LATS2: variants seen among roughly 807,000 people sequenced by gnomAD.
LATS2 encodes large tumor suppressor kinase 2.
LATS2 carries 24 observed loss-of-function variants against 76.0 expected under a neutral mutation model. The ratio of observed to expected loss-of-function variants is 0.32; its 90% CI spans 0.23 to 0.44. The LOEUF is 0.44. Ranked by LOEUF, LATS2 falls within the 20% of genes least tolerant of loss-of-function variation. The pLI is 1.00. For missense variants in LATS2, 1,286 were observed against 1,481.2 expected, an observed-to-expected ratio of 0.87 and a Z score of 2.16; for synonymous variants, 692 against 635.4, an observed-to-expected ratio of 1.09 and a Z score of -1.34.
At chr13:20,999,018 C>T (rs1595224265) in intron 2 of LATS2, among the ~76,000 whole-genome samples, 1 of 151,820 alleles carries the variant, frequency 6.6e-6, no homozygotes, top group East Asian at 1.9e-4. Context: ...CTTGTGCACG[C>T]AGGGCGGGGG....
At chr13:21,042,505 T>G (rs535465548) in intron 2 of LATS2, among the ~76,000 whole-genome samples, 1 of 151,978 alleles carries the variant, frequency 6.6e-6, no homozygotes, top group Non-Finnish European at 1.5e-5. Context: ...CTGGGTAACA[T>G]AGTGAGATGC....
chr13:21,007,636 A>ATATAGTGTG (rs1871360291), intron 2 of LATS2, among the ~76,000 whole-genome samples: 1 of 1,186 alleles, frequency 8.4e-4, no homozygotes, highest in Non-Finnish European at 8.1e-3. Context: ...ATATATATAT[A>ATATAGTGTG]TATATATAGT....
intron 2 of LATS2, among the ~76,000 whole-genome samples, chr13:21,043,998 G>C (rs112603851): frequency 0.015 from 2,346 of 152,280 alleles, 76 homozygotes; most frequent in African/African-American, 0.054. Flanking sequence ...GGTTCTGTAC[G>C]TCAAGGGATA....
intron 5 of LATS2, 95 bp downstream of exon 5, chr13:20,983,129 G>C: frequency 9.0e-6 from 7 of 774,670 alleles, no homozygotes; most frequent in Non-Finnish European, 1.5e-5. Flanking sequence ...ATTTCAAAAT[G>C]ATTAGGAGCC....
intron 7 of LATS2, among the ~76,000 whole-genome samples, chr13:20,977,193 T>G (rs1482569202): frequency 6.6e-6 from 1 of 151,956 alleles, no homozygotes; most frequent in Non-Finnish European, 1.5e-5. Context: ...GTCAGGAGTT[T>G]GAAACCAGCC....
intron 2 of LATS2, among the ~76,000 whole-genome samples, chr13:21,025,485 T>C (rs1308729438): frequency 6.6e-6 from 1 of 152,184 alleles, no homozygotes; most frequent in Non-Finnish European, 1.5e-5. Context: ...GGGATCATTT[T>C]CTGGAAGACC....
chr13:21,036,124 G>A (rs147633185), intron 2 of LATS2, among the ~76,000 whole-genome samples: 2 of 152,200 alleles, frequency 1.3e-5, no homozygotes, highest in African/African-American at 4.8e-5. Flanking sequence ...TCGAACACCC[G>A]ACCTCGGATG....
At chr13:20,986,963 T>C (rs938288718) in intron 4 of LATS2, among the ~76,000 whole-genome samples, 1 of 152,066 alleles carries the variant, frequency 6.6e-6, no homozygotes, top group Non-Finnish European at 1.5e-5. Flanking sequence ...GAGGCCGAGG[T>C]GGGCAGATCA....
chr13:21,038,924 G>C lies in LATS2; in HGVS notation c.342+6761C>G, dbSNP rs183626753. On this transcript the variant is annotated intron_variant, in intron 2 of 7. Coordinates refer to ENST00000382592, the MANE Select transcript of LATS2 (RefSeq NM_014572.3). ...GAACCCGCGAGGCGGAGGTTGTAAT[G>C]AGCTGAGATCACCCCACTGCACTCC... 9.1e-3 allele frequency among the ~76,000 whole-genome samples: 1,383 copies of C among 152,314 alleles called. 13 individuals carry two copies. Among genetic ancestry groups the C allele is most frequent in the African/African-American group, 0.032 (1,323 of 41,564 alleles).
intron 5 of LATS2, among the ~76,000 whole-genome samples, chr13:20,982,583 T>C (rs764657352): frequency 2.2e-4 from 34 of 152,140 alleles, no homozygotes; most frequent in South Asian, 4.2e-4. Flanking sequence ...AGTGCTAGGA[T>C]TACAGGCGTG....
rs571906622 is a variant in LATS2 at position 20,973,712 on chromosome 13, A to G, written c.*1158T>C. 2.6e-5 allele frequency: 6 copies of G among 230,474 alleles called. No homozygotes were observed. The highest frequency in any genetic ancestry group is 5.2e-5 in the Non-Finnish European group (6 of 116,166). 14.3% of individuals were successfully genotyped at this position (230,474 alleles called of 1,614,324 possible). A position where few individuals can be genotyped will look rare whatever the true frequency, so the allele number is the denominator to read the frequency against. ...AGAACAAAAAAAAAGTGAGAGAACC[A>G]TTAGATCACTCAGTTTCCTGACAGT... On this transcript the variant is annotated 3_prime_UTR_variant, in exon 8 of 8. Coordinates refer to ENST00000382592, the MANE Select transcript of LATS2 (RefSeq NM_014572.3).
chr13:21,020,755 G>C (rs1259077868), intron 2 of LATS2, among the ~76,000 whole-genome samples: 1 of 152,148 alleles, frequency 6.6e-6, no homozygotes, highest in Non-Finnish European at 1.5e-5. Flanking sequence ...GACATAAGCT[G>C]ACAACTACCC....
chr13:20,983,194 A>G (rs752143953), intron 5 of LATS2, 30 bp downstream of exon 5: 22 of 1,493,738 alleles, frequency 1.5e-5, no homozygotes, highest in Non-Finnish European at 2.0e-5. Context: ...CTACACATAG[A>G]AAGTGCATGT....
At chr13:21,000,344 G>T (rs1378007019) in intron 2 of LATS2, among the ~76,000 whole-genome samples, 2 of 151,996 alleles carry the variant, frequency 1.3e-5, no homozygotes, top group East Asian at 1.9e-4. Context: ...TTGCACCACT[G>T]TACTCCAGCC....
Position 20,993,035 on chromosome 13 carries a change from C to CAAA in LATS2, c.343-1634_343-1632dup, listed in dbSNP as rs551359225. Among the ~76,000 whole-genome samples the CAAA allele has an allele frequency of 3.7e-3, 326 of 88,960 alleles. 12 individuals are homozygous for CAAA. Among genetic ancestry groups the CAAA allele is most frequent in the African/African-American group, 0.015 (294 of 19,208 alleles). The allele number at this position is 88,960 out of a possible 152,430, so 58.4% of individuals were successfully genotyped here. On this transcript the variant is annotated intron_variant, in intron 2 of 7. Coordinates refer to ENST00000382592, the MANE Select transcript of LATS2 (RefSeq NM_014572.3). ...TGGCGACAAAGTGTGACTCCATCTCCAAAAAAAAAAAAAAAAAAAAAAAAA... is the reference window on the plus strand; with the variant it reads ...TGGCGACAAAGTGTGACTCCATCTCCAAAAAAAAAAAAAAAAAAAAAAAAAAAA...
intron 2 of LATS2, among the ~76,000 whole-genome samples, chr13:21,007,544 A>ATT (rs1565951774): frequency 1.4e-4 from 1 of 7,330 alleles, no homozygotes; most frequent in Non-Finnish European, 2.0e-4. Context: ...ATATATATAT[A>ATT]GTATATATAT....
At chr13:21,049,995 C>G (rs1206769864) in intron 1 of LATS2, among the ~76,000 whole-genome samples, 2 of 151,918 alleles carry the variant, frequency 1.3e-5, no homozygotes, top group African/African-American at 2.4e-5. Flanking sequence ...ACAGCACACC[C>G]CTGTAGTCCA....
At position 20,973,693 on chromosome 13, in the gene LATS2, A is replaced by G. The variant is rs7330843; in HGVS notation, c.*1177T>C. 10,963 of 230,278 alleles carry G rather than the reference A, an allele frequency of 0.048. 1,143 individuals carry two copies. Among genetic ancestry groups the G allele is most frequent in the African/African-American group, 0.22 (9,756 of 45,220 alleles). The allele number at this position is 230,278 out of a possible 1,614,324, so 14.3% of individuals were successfully genotyped here. On this transcript the variant is annotated 3_prime_UTR_variant, in exon 8 of 8. Coordinates refer to ENST00000382592, the MANE Select transcript of LATS2 (RefSeq NM_014572.3). ...TACTTCAAAGTACACTAAAAGAACA[A>G]AAAAAAAGTGAGAGAACCATTAGAT...
At chr13:20,998,801 T>C (rs1196214651) in intron 2 of LATS2, among the ~76,000 whole-genome samples, 1 of 152,022 alleles carries the variant, frequency 6.6e-6, no homozygotes, top group African/African-American at 2.4e-5. Context: ...CCCGTGACCT[T>C]GTCCACACGG....
Sources: gnomAD v4.1 joint callset for allele counts (sites outside exome capture counted in the v4.1 genomes callset) on GRCh38, gnomAD v4.1.1 for gene constraint, MANE v1.5 for transcripts, NCBI Gene and HGNC (gene_info 2026-07-23, HGNC 2026-07-21) for gene names.